DAAM2: variants seen among roughly 807,000 people sequenced by gnomAD.
DAAM2 encodes dishevelled associated activator of morphogenesis 2.
A neutral mutation model predicts 120.7 loss-of-function variants in DAAM2; 39 were observed. The ratio of observed to expected loss-of-function variants is 0.32; its 90% CI spans 0.25 to 0.42. The LOEUF (loss-of-function observed/expected upper bound fraction) is 0.42. Among genes scored for constraint, DAAM2 ranks in the 10% least tolerant of loss-of-function variants. DAAM2 has a pLI of 1.00. For missense variants in DAAM2, 1,283 were observed against 1,401.7 expected, an observed-to-expected ratio of 0.92 and a Z score of 1.35; for synonymous variants, 488 against 524.9, an observed-to-expected ratio of 0.93 and a Z score of 0.96.
In DAAM2 at chr6:39,902,242, C is replaced by A. The variant is rs1429701793; in HGVS notation, c.*205C>A. The A allele has an allele frequency of 4.4e-6, 2 of 451,092 alleles. No homozygotes were observed. Among genetic ancestry groups the A allele is most frequent in the Non-Finnish European group, 7.8e-6 (2 of 256,938 alleles). 27.9% of individuals were successfully genotyped at this position (451,092 alleles called of 1,614,324 possible). Reference sequence around the variant, plus strand: ...CCTCTTATCTCCCCTTCACATGATTCCTTCTGTGCCCTGGCCCCAGGTATT... The same window carrying A: ...CCTCTTATCTCCCCTTCACATGATTACTTCTGTGCCCTGGCCCCAGGTATT... On this transcript the variant is annotated 3_prime_UTR_variant, in exon 25 of 25. Coordinates refer to ENST00000274867, the MANE Select transcript of DAAM2 (RefSeq NM_001201427.2).
chr6:39,903,652 T>G lies in DAAM2; in HGVS notation c.*1615T>G, dbSNP rs1454552600. 6.3e-6 allele frequency: 1 copy of G among 159,016 alleles called. No homozygotes were observed. Among genetic ancestry groups the G allele is most frequent in the Non-Finnish European group, 1.4e-5 (1 of 72,084 alleles). 9.9% of individuals were successfully genotyped at this position (159,016 alleles called of 1,614,324 possible). A position where few individuals can be genotyped will look rare whatever the true frequency, so the allele number is the denominator to read the frequency against. The stretch of plus-strand genomic sequence containing the variant: ...CAACCTAATCCCTGGCTCAGGGTTA[T>G]TGCCAGTGGAGACTGGTGAGCTGGG... On this transcript the variant is annotated 3_prime_UTR_variant, in exon 25 of 25. Coordinates refer to ENST00000274867, the MANE Select transcript of DAAM2 (RefSeq NM_001201427.2).
At chr6:39,854,313 C>A (rs551533214) in intron 1 of DAAM2, among the ~76,000 whole-genome samples, 1 of 152,228 alleles carries the variant, frequency 6.6e-6, no homozygotes, top group African/African-American at 2.4e-5. Flanking sequence ...TTATTGAACC[C>A]CCATGAAGCA....
Position 39,903,888 on chromosome 6 carries a change from C to T in DAAM2, c.*1851C>T, listed in dbSNP as rs1200622918. 1 of 303,124 alleles carries T rather than the reference C, an allele frequency of 3.3e-6. No individual in the cohort carries two copies. The highest frequency in any genetic ancestry group is 6.4e-6 in the Non-Finnish European group (1 of 156,996). The allele number at this position is 303,124 out of a possible 1,614,324, so 18.8% of individuals were successfully genotyped here. ...CAGGTGTGAAGAGGCCATCCTGGAA[C>T]CCAGGTGAGGGCAAGATGAAGGCTT... On this transcript the variant is annotated 3_prime_UTR_variant, in exon 25 of 25. Transcript: ENST00000274867.
intron 7 of DAAM2, among the ~76,000 whole-genome samples, chr6:39,869,175 G>A (rs1047235951): frequency 6.6e-6 from 1 of 152,112 alleles, no homozygotes; most frequent in Non-Finnish European, 1.5e-5. Flanking sequence ...CTTGTTTATG[G>A]AGAGCTGTTT....
At chr6:39,889,780 G>A (rs1355478313) in intron 17 of DAAM2, among the ~76,000 whole-genome samples, 1 of 152,134 alleles carries the variant, frequency 6.6e-6, no homozygotes, top group Non-Finnish European at 1.5e-5. Flanking sequence ...TGTATTATAT[G>A]CTGTATTTTT....
Position 39,878,507 on chromosome 6 carries a change from C to G in DAAM2, c.1464C>G (p.Asp488Glu), listed in dbSNP as rs1162971530. 6.2e-7 allele frequency: 1 copy of G among 1,610,578 alleles called. No individual in the cohort carries two copies. Among genetic ancestry groups the G allele is most frequent in the African/African-American group, 1.3e-5 (1 of 74,952 alleles). The change falls in exon 13 of 25, where the codon GAC (aspartate) becomes GAG (glutamate). Residue 488 changes from aspartate to glutamate, a missense_variant. Around this residue, in one of 3 missense-constraint regions of DAAM2, gnomAD observed 748 missense variants for 768.6 expected, o/e 0.97. Transcript: ENST00000274867. This position sits in a 1 kb window ranked among gnomAD's most constrained non-coding sequence, Gnocchi z 5.0. ...TGCGGACGCTGAACAAAATGAAGGA[C>G]AAGCTGGCCCGGGAGTCCCAGGAGC... Reference protein sequence around the residue: ...EMMRTLNKMKDKLARESQELR... With the variant: ...EMMRTLNKMKEKLARESQELR...
intron 1 of DAAM2, among the ~76,000 whole-genome samples, chr6:39,803,594 A>G (rs1250143274): frequency 6.6e-6 from 1 of 152,200 alleles, no homozygotes; most frequent in East Asian, 1.9e-4. Context: ...CTTGCCTAAG[A>G]TGTTAGAAGC....
At chr6:39,867,306 A>G (rs775484539) in intron 5 of DAAM2, 4 of 588,344 alleles carry the variant, frequency 6.8e-6, no homozygotes, top group Non-Finnish European at 1.2e-5. Context: ...ATATGCAAAT[A>G]CAGAGTATTT....
At position 39,864,488 on chromosome 6, in the gene DAAM2, G is replaced by T. The variant is rs6919807; in HGVS notation, c.314G>T (p.Arg105Leu). The T allele has an allele frequency of 3.7e-6, 6 of 1,611,826 alleles. No homozygotes were observed. Among genetic ancestry groups the T allele is most frequent in the Middle Eastern group, 1.9e-4 (1 of 5,276 alleles). Residue 105 changes from arginine (R) to leucine (L), a missense_variant, in exon 4 of 25, where the codon CGC (arginine) becomes CTC (leucine). This residue lies in a region of DAAM2 where 197 missense variants were observed against 189.3 expected (regional missense o/e 1.04). Transcript: ENST00000274867. ...AGCTGGCCTGACTATTACATCGACC[G>T]CATCAATTCCATGGCTGCGGTGAGT... ...ATSWPDYYIDRINSMAAMQSL... is the reference protein window; with the variant it reads ...ATSWPDYYIDLINSMAAMQSL...
At chr6:39,846,062 C>T (rs1763576469) in intron 1 of DAAM2, among the ~76,000 whole-genome samples, 1 of 152,074 alleles carries the variant, frequency 6.6e-6, no homozygotes, top group Non-Finnish European at 1.5e-5. Context: ...AAAACAAATG[C>T]ATCCAAGGCG....
chr6:39,857,484 C>A (rs1764052390), intron 2 of DAAM2, among the ~76,000 whole-genome samples: 1 of 152,196 alleles, frequency 6.6e-6, no homozygotes, highest in Non-Finnish European at 1.5e-5. Context: ...TTTAGGAAAA[C>A]TCACTGTTTC....
chr6:39,833,609 A>G (rs138749476), intron 1 of DAAM2, among the ~76,000 whole-genome samples: 3 of 152,250 alleles, frequency 2.0e-5, no homozygotes, highest in East Asian at 1.9e-4. Context: ...CGCACAGCCT[A>G]TAAAGGTTTT....
chr6:39,901,762 C>T lies in DAAM2; in HGVS notation c.2983-51C>T. 6.9e-7 allele frequency: 1 copy of T among 1,449,694 alleles called. No homozygotes were observed. The highest frequency in any genetic ancestry group is 9.1e-7 in the Non-Finnish European group (1 of 1,096,480). The allele number at this position is 1,449,694 out of a possible 1,614,324, so 89.8% of individuals were successfully genotyped here. A position where few individuals can be genotyped will look rare whatever the true frequency, so the allele number is the denominator to read the frequency against. ...GCCCAGGGTTGGGGGGCTGCCCTGG[C>T]CTCAGCGCCTCTCCCTGAGAGGGTT... On this transcript the variant is annotated intron_variant, in intron 24 of 24. Transcript: ENST00000274867. The surrounding 1 kb of genome is among the most constrained non-coding windows in gnomAD (Gnocchi z 4.5).
In DAAM2 at chr6:39,878,484, C is replaced by T. The variant is rs201159453; in HGVS notation, c.1441C>T (p.Arg481Trp). The T allele has an allele frequency of 1.9e-5, 31 of 1,610,108 alleles. No homozygotes were observed. The highest frequency in any genetic ancestry group is 1.1e-4 in the African/African-American group (8 of 74,838). Residue 481 changes from arginine (R) to tryptophan (W), a missense_variant, in exon 13 of 25, where the codon CGG becomes TGG. Arg to Trp is a moderately radical substitution (Grantham distance 101, BLOSUM62 -3). Coordinates refer to ENST00000274867, the MANE Select transcript of DAAM2 (RefSeq NM_001201427.2). This position sits in a 1 kb window ranked among gnomAD's most constrained non-coding sequence, Gnocchi z 5.0. ...TKTLEKEEMM[R>W]TLNKMKDKLA... Reference sequence around the variant, plus strand: ...GACATTGGAGAAGGAAGAGATGATGCGGACGCTGAACAAAATGAAGGACAA... The same window carrying T: ...GACATTGGAGAAGGAAGAGATGATGTGGACGCTGAACAAAATGAAGGACAA...
intron 2 of DAAM2, 150 bp from the exon 3 acceptor site, chr6:39,860,778 A>G (rs1403678797): frequency 3.0e-6 from 2 of 672,466 alleles, no homozygotes; most frequent in African/African-American, 1.8e-5. Flanking sequence ...AGAAAAAGAA[A>G]TGCCCTATCA....
intron 19 of DAAM2, among the ~76,000 whole-genome samples, chr6:39,893,224 TAGTC>T (rs1765843939): frequency 6.6e-6 from 1 of 152,122 alleles, no homozygotes; most frequent in Non-Finnish European, 1.5e-5. Flanking sequence ...GCCTAAGAAT[TAGTC>T]AGTGGAGGCT....
chr6:39,892,437 G>A (rs1765788564), intron 19 of DAAM2, among the ~76,000 whole-genome samples: 1 of 152,198 alleles, frequency 6.6e-6, no homozygotes, highest in Non-Finnish European at 1.5e-5. Context: ...GAATGCAGAT[G>A]CTGATCTTCA....
intron 2 of DAAM2, among the ~76,000 whole-genome samples, chr6:39,860,708 G>T (rs1764174586): frequency 6.6e-6 from 1 of 152,142 alleles, no homozygotes; most frequent in Non-Finnish European, 1.5e-5. Flanking sequence ...GAAGTAAAGG[G>T]AGTGCAATAG....
chr6:39,831,576 A>G (rs535581645), intron 1 of DAAM2, among the ~76,000 whole-genome samples: 28 of 151,568 alleles, frequency 1.8e-4, no homozygotes, highest in Non-Finnish European at 3.8e-4. Flanking sequence ...CAGGAAGTCT[A>G]ACTCCTGAGT....
Sources: gnomAD v4.1 joint callset for allele counts (sites outside exome capture counted in the v4.1 genomes callset) on GRCh38, gnomAD v4.1.1 for gene constraint, gnomAD v4.1.1 regional missense constraint, Gnocchi (gnomAD v3.1) non-coding constraint, MANE v1.5 for transcripts, NCBI Gene and HGNC (gene_info 2026-07-23, HGNC 2026-07-21) for gene names.